The following MICAL3 variants were observed in gnomAD, a reference collection of about 807,000 sequenced individuals.
The protein encoded by MICAL3 is [F-actin]-monooxygenase MICAL3.
Under a neutral mutation model 207.4 loss-of-function variants are expected in MICAL3, and 62 were observed. That is an observed-to-expected ratio of 0.30 (90% CI 0.24 to 0.37). The LOEUF (loss-of-function observed/expected upper bound fraction) is 0.37. Among genes scored for constraint, MICAL3 ranks in the 10% least tolerant of loss-of-function variants. MICAL3 has a pLI of 1.00. For missense variants in MICAL3, 2,368 were observed against 2,635.6 expected (o/e 0.90, Z 2.22); for synonymous variants, 1,077 against 1,069.3 (o/e 1.01, Z -0.14).
At chr22:17,861,304 T>C in intron 19 of MICAL3, 1 of 984,184 alleles carries the variant, frequency 1.0e-6, no homozygotes. Flanking sequence ...GCAAGGAATG[T>C]CTGGGGACAG....
At chr22:17,990,575 C>T (rs57845923) in intron 1 of MICAL3, among the ~76,000 whole-genome samples, 6,699 of 152,232 alleles carry the variant, frequency 0.044, 275 homozygotes, top group African/African-American at 0.11. Flanking sequence ...GAACACACTC[C>T]CGGTCACACA....
At chr22:17,808,988 G>C (rs2062015574) in intron 28 of MICAL3, 51 bp from the exon 29 acceptor site, 1 of 1,458,630 alleles carries the variant, frequency 6.9e-7, no homozygotes, top group South Asian at 1.2e-5. Flanking sequence ...CCTGCTTCAG[G>C]AGGACACACA....
At chr22:17,905,004 A>T (rs1931615181) in intron 2 of MICAL3, among the ~76,000 whole-genome samples, 165 bp from the exon 3 acceptor site, 1 of 152,258 alleles carries the variant, frequency 6.6e-6, no homozygotes, top group Non-Finnish European at 1.5e-5. Flanking sequence ...AGCACCTGCC[A>T]TGGCTTAAGA....
chr22:17,844,461 TCAGA>T (rs1924423817), intron 19 of MICAL3, among the ~76,000 whole-genome samples: 3 of 152,228 alleles, frequency 2.0e-5, no homozygotes. Flanking sequence ...TGTGGCAGCC[TCAGA>T]CAGAGCTTTT....
chr22:17,945,008 C>CTT (rs10533905), intron 1 of MICAL3, among the ~76,000 whole-genome samples: 1 of 138,044 alleles, frequency 7.2e-6, no homozygotes, highest in Non-Finnish European at 1.5e-5. Flanking sequence ...ACTGGGGGAC[C>CTT]TTTTTTTTTT....
intron 1 of MICAL3, among the ~76,000 whole-genome samples, chr22:17,912,577 A>AT: frequency 6.6e-6 from 1 of 152,218 alleles, no homozygotes. Flanking sequence ...GTGTTTTATT[A>AT]TTTTTGATGC....
chr22:17,918,678 C>T (rs941650778), intron 1 of MICAL3, among the ~76,000 whole-genome samples: 9 of 152,160 alleles, frequency 5.9e-5, no homozygotes, highest in African/African-American at 2.2e-4. Context: ...CTGTTGCCTC[C>T]TTTCCTGCCG....
chr22:17,837,918 G>A (rs1771878225), intron 20 of MICAL3, among the ~76,000 whole-genome samples: 1 of 152,220 alleles, frequency 6.6e-6, no homozygotes. Flanking sequence ...CTGGGCACAA[G>A]CGATCCTCTT....
rs1402565893 is a variant in MICAL3 at position 17,896,160 on chromosome 22, G to C, written c.1322+86C>G. On this transcript the variant is annotated intron_variant, in intron 9 of 31. Transcript: ENST00000441493. ...AATTAAGAAGGCAGAGAAAGAAGAA[G>C]GAAGAACTTGCACTCTGCCTGAAGA... 7.4e-6 allele frequency: 5 copies of C among 675,568 alleles called. No individual in the cohort carries two copies. In the South Asian group the frequency reaches 9.6e-5, roughly 13 times the overall value. The allele number at this position is 675,568 out of a possible 1,614,324, so 41.8% of individuals were successfully genotyped here. A position where few individuals can be genotyped will look rare whatever the true frequency, so the allele number is the denominator to read the frequency against.
chr22:17,919,090 T>TTTTTTTTTTTTTTTTTTTG (rs1932724096), intron 1 of MICAL3, among the ~76,000 whole-genome samples: 1 of 151,294 alleles, frequency 6.6e-6, no homozygotes, highest in African/African-American at 2.4e-5. Flanking sequence ...TTTTTTTTTT[T>TTTTTTTTTTTTTTTTTTTG]GAGACAGGCT....
intron 19 of MICAL3, among the ~76,000 whole-genome samples, chr22:17,852,065 G>A (rs1403058944): frequency 6.6e-6 from 1 of 152,190 alleles, no homozygotes; most frequent in Admixed American, 6.5e-5. Flanking sequence ...TCCAAAGCCA[G>A]CTCTGATGTG....
At chr22:17,875,495 G>C (rs929135119) in intron 16 of MICAL3, 2 of 1,555,688 alleles carry the variant, frequency 1.3e-6, no homozygotes, top group South Asian at 2.4e-5. Flanking sequence ...CAGAGGAGCG[G>C]AGACTAAGAG....
At chr22:17,957,142 G>C (rs1162688831) in intron 1 of MICAL3, among the ~76,000 whole-genome samples, 1 of 152,130 alleles carries the variant, frequency 6.6e-6, no homozygotes, top group Non-Finnish European at 1.5e-5. Context: ...TAACCTTAAG[G>C]ATGAGAAAGC....
intron 1 of MICAL3, among the ~76,000 whole-genome samples, chr22:17,965,183 CAAAAAAAAAAA>C (rs370246938): frequency 3.8e-5 from 4 of 105,640 alleles, no homozygotes; most frequent in Admixed American, 2.1e-4. Context: ...ACCCCGTCTC[CAAAAAAAAAAA>C]AAAAAAAAAG....
chr22:17,908,251 G>A (rs1047904287), intron 1 of MICAL3, among the ~76,000 whole-genome samples: 5 of 152,176 alleles, frequency 3.3e-5, no homozygotes, highest in African/African-American at 1.2e-4. Context: ...ACTGTTGCAC[G>A]AACCCTCAGT....
At chr22:17,892,736 C>G (rs1395314952) in intron 11 of MICAL3, among the ~76,000 whole-genome samples, 1 of 152,212 alleles carries the variant, frequency 6.6e-6, no homozygotes, top group Non-Finnish European at 1.5e-5. Flanking sequence ...GAGAAAAATG[C>G]AAATGTTTCC....
chr22:17,952,092 G>T (rs900262696), intron 1 of MICAL3, among the ~76,000 whole-genome samples: 2 of 152,238 alleles, frequency 1.3e-5, no homozygotes, highest in African/African-American at 4.8e-5. Flanking sequence ...TGAACTGCAA[G>T]GATGGGAACG....
chr22:17,924,549 G>C (rs1420997635), intron 1 of MICAL3, among the ~76,000 whole-genome samples: 1 of 152,100 alleles, frequency 6.6e-6, no homozygotes, highest in East Asian at 1.9e-4. Context: ...ACACTCAATG[G>C]AGCATTTCTG....
intron 7 of MICAL3, 46 bp downstream of exon 7, chr22:17,899,402 T>C (rs369719788): frequency 2.4e-5 from 30 of 1,237,540 alleles, no homozygotes; most frequent in Non-Finnish European, 3.4e-5. Context: ...TTGGTGATAT[T>C]AACCACTTCA....
Sources: gnomAD v4.1 joint callset for allele counts (sites outside exome capture counted in the v4.1 genomes callset) on GRCh38, gnomAD v4.1.1 for gene constraint, MANE v1.5 for transcripts, NCBI Gene and HGNC (gene_info 2026-07-23, HGNC 2026-07-21) for gene names.